PGAP4: variants seen among roughly 807,000 people sequenced by gnomAD.
The protein encoded by PGAP4 is GPI-N-acetylgalactosamine transferase PGAP4.
Under a neutral mutation model 28.2 loss-of-function variants are expected in PGAP4, and 12 were observed. The observed-to-expected ratio is 0.42, with a 90% confidence interval of 0.27 to 0.69. The LOEUF (loss-of-function observed/expected upper bound fraction) is 0.69, where lower values mean the gene tolerates loss of function less well. Ranked by LOEUF, PGAP4 falls within the 30% of genes least tolerant of loss-of-function variation. PGAP4 has a pLI of 0.22. For missense variants in PGAP4, 425 were observed against 513.5 expected (o/e 0.83, Z 1.67); for synonymous variants, 205 against 211.8 (o/e 0.97, Z 0.28).
chr9:101,474,237 C>T lies in PGAP4; in HGVS notation c.*1644G>A, dbSNP rs1272803107. 1 of 152,196 alleles carries T rather than the reference C, an allele frequency of 6.6e-6. No homozygotes were observed. Among genetic ancestry groups the T allele is most frequent in the Non-Finnish European group, 1.5e-5 (1 of 68,042 alleles). 9.4% of individuals were successfully genotyped at this position (152,196 alleles called of 1,614,324 possible). On this transcript the variant is annotated 3_prime_UTR_variant, in exon 2 of 2. Transcript: ENST00000374848. Reference sequence around the variant, plus strand: ...CATCTCTGGGTCTCAATTTGTTCATCTGTAGAGCGTGGGTGATCAACCTTT... The same window carrying T: ...CATCTCTGGGTCTCAATTTGTTCATTTGTAGAGCGTGGGTGATCAACCTTT...
intron 1 of PGAP4, among the ~76,000 whole-genome samples, chr9:101,479,366 C>T (rs1427113216): frequency 2.6e-5 from 4 of 152,160 alleles, no homozygotes; most frequent in Non-Finnish European, 5.9e-5. Context: ...TTTGTTATTA[C>T]CACAAGGGAG....
chr9:101,513,109 T>C (rs1260242672), intron 2 of PGAP4, among the ~76,000 whole-genome samples: 1 of 152,208 alleles, frequency 6.6e-6, no homozygotes, highest in Non-Finnish European at 1.5e-5. Flanking sequence ...TTGTTAAAAC[T>C]ATTACTTTAC....
intron 2 of PGAP4, among the ~76,000 whole-genome samples, chr9:101,497,527 C>G (rs530592992): frequency 6.6e-6 from 1 of 151,532 alleles, no homozygotes; most frequent in African/African-American, 2.4e-5. Flanking sequence ...TCATAACTCT[C>G]ATGCCAAACC....
At chr9:101,482,361 G>A (rs753900166) in intron 1 of PGAP4, among the ~76,000 whole-genome samples, 8 of 152,152 alleles carry the variant, frequency 5.3e-5, no homozygotes, top group South Asian at 2.1e-4. Context: ...CAGGAGAATC[G>A]CTTGAACCAG....
At chr9:101,507,931 C>T (rs555971020) in intron 2 of PGAP4, among the ~76,000 whole-genome samples, 2 of 150,658 alleles carry the variant, frequency 1.3e-5, no homozygotes, top group Admixed American at 1.3e-4. Flanking sequence ...TTTTTGAGAG[C>T]AGACCAATCT....
intron 1 of PGAP4, among the ~76,000 whole-genome samples, chr9:101,482,112 A>C (rs1044452741): frequency 2.1e-4 from 32 of 152,358 alleles, no homozygotes; most frequent in African/African-American, 7.7e-4. Flanking sequence ...AAAATCATTT[A>C]TCTCTCTGAG....
intron 2 of PGAP4, among the ~76,000 whole-genome samples, chr9:101,529,361 G>A (rs942488690): frequency 6.6e-6 from 1 of 152,066 alleles, no homozygotes; most frequent in African/African-American, 2.4e-5. Flanking sequence ...CACCATGTTG[G>A]CCAGGCTGGT....
intron 2 of PGAP4, among the ~76,000 whole-genome samples, chr9:101,510,059 C>T (rs1826882473): frequency 6.6e-6 from 1 of 152,198 alleles, no homozygotes; most frequent in Non-Finnish European, 1.5e-5. Flanking sequence ...TTGTTGTCAA[C>T]ATCAGTAGGC....
chr9:101,511,293 G>A lies in PGAP4; in HGVS notation c.-165+20055C>T, dbSNP rs1225282657. Among the ~76,000 whole-genome samples the A allele has an allele frequency of 3.3e-5, 5 of 152,116 alleles. No homozygotes were observed. The East Asian group carries it at 9.7e-4, about 29-fold the overall frequency. On this transcript the variant is annotated intron_variant, in intron 2 of 3. Coordinates refer to the PGAP4 transcript ENST00000374851. ...TGCTGTGTGGCCCAGTTCCTAACAG[G>A]CCAAGGACCTGTTACCAGTCCAGGT...
intron 2 of PGAP4, among the ~76,000 whole-genome samples, chr9:101,505,983 ATTTAAATGACCT>A (rs1826845100): frequency 6.6e-6 from 1 of 152,178 alleles, no homozygotes; most frequent in South Asian, 2.1e-4. Context: ...AGCATCAACA[ATTTAAATGACCT>A]TTGGACCTAC....
chr9:101,500,263 A>G (rs1826785392), intron 2 of PGAP4, among the ~76,000 whole-genome samples: 1 of 152,112 alleles, frequency 6.6e-6, no homozygotes, highest in African/African-American at 2.4e-5. Context: ...TGGTGTCAAC[A>G]GAGCTGGTTC....
At chr9:101,529,406 T>C (rs776756850) in intron 2 of PGAP4, among the ~76,000 whole-genome samples, 3 of 152,122 alleles carry the variant, frequency 2.0e-5, no homozygotes, top group Admixed American at 1.3e-4. Context: ...CCGCCCGCCT[T>C]GGCCTCCCAA....
intron 2 of PGAP4, among the ~76,000 whole-genome samples, chr9:101,492,684 C>A (rs1826701766): frequency 6.6e-6 from 1 of 152,038 alleles, no homozygotes; most frequent in South Asian, 2.1e-4. Flanking sequence ...CTGCTACTAT[C>A]TCTGTTGGTT....
chr9:101,516,627 T>C (rs1440431320), intron 2 of PGAP4, among the ~76,000 whole-genome samples: 2 of 152,224 alleles, frequency 1.3e-5, no homozygotes, highest in Non-Finnish European at 2.9e-5. Context: ...TTATTTTTTG[T>C]ATTTATCAGA....
upstream of PGAP4, chr9:101,489,108 A>G (rs1037097360): frequency 6.6e-6 from 1 of 152,226 alleles, no homozygotes; most frequent in Non-Finnish European, 1.5e-5. Flanking sequence ...AAGCTAAGTA[A>G]CTTACCCAAA....
At chr9:101,510,515 G>T (rs538708043) in intron 2 of PGAP4, among the ~76,000 whole-genome samples, 8 of 152,154 alleles carry the variant, frequency 5.3e-5, no homozygotes, top group African/African-American at 1.9e-4. Flanking sequence ...ATACATAGTG[G>T]GCTTGGAGAA....
At chr9:101,501,825 C>A in intron 2 of PGAP4, 3 of 498,598 alleles carry the variant, frequency 6.0e-6, no homozygotes, top group Admixed American at 2.1e-5. Context: ...CCTCCAGCTC[C>A]AGTAAATACA....
chr9:101,486,945 C>G lies in PGAP4; in HGVS notation c.-78+4G>C, dbSNP rs1291370792. The G allele has an allele frequency of 6.6e-6, 1 of 152,578 alleles. No individual in the cohort carries two copies. Among genetic ancestry groups the G allele is most frequent in the East Asian group, 1.9e-4 (1 of 5,194 alleles). 9.5% of individuals were successfully genotyped at this position (152,578 alleles called of 1,614,324 possible). A position where few individuals can be genotyped will look rare whatever the true frequency, so the allele number is the denominator to read the frequency against. ...TGGGCAGATCGTGCGCAACAGAAAC[C>G]TACCCGGTTGGGGCGACCAGCTCGG... On this transcript the variant is annotated splice_donor_region_variant and intron_variant, in intron 1 of 1. Coordinates refer to ENST00000374848, the MANE Select transcript of PGAP4 (RefSeq NM_032342.3). The surrounding 1 kb of genome is among the most constrained non-coding windows in gnomAD (Gnocchi z 4.7).
intron 1 of PGAP4, among the ~76,000 whole-genome samples, chr9:101,478,290 T>G (rs528485984): frequency 2.0e-5 from 3 of 152,214 alleles, no homozygotes; most frequent in Admixed American, 6.5e-5. Context: ...AAAAACAGAA[T>G]GAAAAGGGCA....
Sources: gnomAD v4.1 joint callset for allele counts (sites outside exome capture counted in the v4.1 genomes callset) on GRCh38, gnomAD v4.1.1 for gene constraint, Gnocchi (gnomAD v3.1) non-coding constraint, MANE v1.5 for transcripts, NCBI Gene and HGNC (gene_info 2026-07-23, HGNC 2026-07-21) for gene names.